CDS2: variants seen among roughly 807,000 people sequenced by gnomAD.
CDS2 encodes the protein CDP-diacylglycerol synthase 2.
Under a neutral mutation model 59.0 loss-of-function variants are expected in CDS2, and 47 were observed. The observed-to-expected ratio is 0.80, with a 90% CI of 0.63 to 1.02. CDS2 has a LOEUF of 1.02. Ranked by LOEUF, CDS2 falls within the 50% of genes least tolerant of loss-of-function variation. The pLI is 0.00. For synonymous variants in CDS2, 207 were observed against 206.4 expected (o/e 1.00, Z -0.02); for missense variants, 356 against 558.9 (o/e 0.64, Z 3.66).
At chr20:5,146,556 G>A (rs1399631835) in intron 1 of CDS2, among the ~76,000 whole-genome samples, 2 of 152,138 alleles carry the variant, frequency 1.3e-5, no homozygotes, top group African/African-American at 2.4e-5. Context: ...TTAGGTAATA[G>A]GACCTAAGTT....
At chr20:5,169,639 CAT>C (rs1427633695) in intron 1 of CDS2, among the ~76,000 whole-genome samples, 3 of 152,268 alleles carry the variant, frequency 2.0e-5, no homozygotes, top group African/African-American at 7.2e-5. Context: ...TGAACATATG[CAT>C]ATGTCTTGAT....
chr20:5,154,936 T>A (rs896249222), intron 1 of CDS2, among the ~76,000 whole-genome samples: 5 of 152,218 alleles, frequency 3.3e-5, no homozygotes, highest in Non-Finnish European at 7.4e-5. Context: ...GCATGAGCCG[T>A]TGCGCTCAGC....
chr20:5,143,092 C>A (rs968962749), intron 1 of CDS2, among the ~76,000 whole-genome samples: 2 of 152,092 alleles, frequency 1.3e-5, no homozygotes, highest in Non-Finnish European at 2.9e-5. Flanking sequence ...ATTCCTCCTG[C>A]CTCAGCCTCC....
chr20:5,141,685 G>A (rs1427032323), intron 1 of CDS2, among the ~76,000 whole-genome samples: 1 of 152,162 alleles, frequency 6.6e-6, no homozygotes, highest in East Asian at 1.9e-4. Context: ...TTGAGCCTCA[G>A]ATCTACAACT....
At chr20:5,176,285 G>A (rs978869841) in intron 3 of CDS2, 7 of 173,728 alleles carry the variant, frequency 4.0e-5, no homozygotes, top group Admixed American at 1.7e-4. Flanking sequence ...GGCTGGGTGC[G>A]GTGGCTCACG....
At position 5,195,796 on chromosome 20, in the gene CDS2, G is replaced by T. The variant is rs1028485220; in HGVS notation, c.*5562G>T. 6.6e-6 allele frequency: 1 copy of T among 152,222 alleles called. No homozygotes were observed. Among genetic ancestry groups the T allele is most frequent in the Non-Finnish European group, 1.5e-5 (1 of 68,062 alleles). 9.4% of individuals were successfully genotyped at this position (152,222 alleles called of 1,614,324 possible). ...GTTTCCTTCTAAAAGTAGTAACCGGGTAGAAGTGGGTGACCCATTGAGGAC... is the reference window on the plus strand; with the variant it reads ...GTTTCCTTCTAAAAGTAGTAACCGGTTAGAAGTGGGTGACCCATTGAGGAC... On this transcript the variant is annotated 3_prime_UTR_variant, in exon 13 of 13. Coordinates refer to ENST00000460006, the MANE Select transcript of CDS2 (RefSeq NM_003818.4).
intron 4 of CDS2, among the ~76,000 whole-genome samples, chr20:5,178,223 T>C (rs2091008154): frequency 6.6e-6 from 1 of 152,250 alleles, no homozygotes; most frequent in African/African-American, 2.4e-5. Flanking sequence ...GAGAGGCAGA[T>C]GCATCATTAA....
chr20:5,179,918 C>T (rs536018315), intron 5 of CDS2, among the ~76,000 whole-genome samples: 1 of 152,330 alleles, frequency 6.6e-6, no homozygotes, highest in South Asian at 2.1e-4. Context: ...GTTCTGACCT[C>T]AATGTCAATC....
intron 1 of CDS2, among the ~76,000 whole-genome samples, chr20:5,127,803 G>A (rs1468626164): frequency 6.6e-6 from 1 of 152,104 alleles, no homozygotes; most frequent in Non-Finnish European, 1.5e-5. Context: ...GGACAGTGGC[G>A]GGGGTGACGG....
In CDS2 at chr20:5,189,255, C is replaced by T. The variant is rs1174202082; in HGVS notation, c.1101+69C>T. 13 of 1,584,944 alleles carry T rather than the reference C, an allele frequency of 8.2e-6. No homozygotes were observed. In the Admixed American group the frequency reaches 1.0e-4, roughly 12 times the overall value. The stretch of plus-strand genomic sequence containing the variant: ...CATCTTCTGCCTTTCTCCCCCTTCC[C>T]TGCCCCCTCCAAAATACTAGGCTGT... On this transcript the variant is annotated intron_variant, in intron 11 of 12. Transcript: ENST00000460006.
chr20:5,182,284 C>A, intron 5 of CDS2, 103 bp from the exon 6 acceptor site: 1 of 939,562 alleles, frequency 1.1e-6, no homozygotes, highest in Non-Finnish European at 1.6e-6. Flanking sequence ...TGGTTAGCTG[C>A]TGGGAATAAA....
chr20:5,174,240 G>A (rs868266963), intron 2 of CDS2, among the ~76,000 whole-genome samples: 1 of 152,184 alleles, frequency 6.6e-6, no homozygotes, highest in African/African-American at 2.4e-5. Flanking sequence ...TTATCTCAGT[G>A]TTCCTATGTG....
chr20:5,163,388 A>T (rs1340904045), intron 1 of CDS2, among the ~76,000 whole-genome samples: 1 of 147,866 alleles, frequency 6.8e-6, no homozygotes, highest in Non-Finnish European at 1.5e-5. Flanking sequence ...CAGCCTCCTG[A>T]GTATCTGGGA....
At chr20:5,152,019 C>T (rs543272592) in intron 1 of CDS2, among the ~76,000 whole-genome samples, 151 of 151,598 alleles carry the variant, frequency 1.0e-3, no homozygotes, top group Non-Finnish European at 1.8e-3. Flanking sequence ...CTGCCTCAGC[C>T]TCCCAAAGTG....
intron 7 of CDS2, among the ~76,000 whole-genome samples, chr20:5,183,602 C>G (rs1378344591): frequency 6.6e-6 from 1 of 152,102 alleles, no homozygotes; most frequent in Non-Finnish European, 1.5e-5. Flanking sequence ...GAAAGAGAAA[C>G]AGGACCAAAT....
rs1568544601 is a variant in CDS2 at position 5,186,842 on chromosome 20, A to T, written c.981+3A>T. On this transcript the variant is annotated splice_donor_region_variant and intron_variant, in intron 10 of 12. Coordinates refer to ENST00000460006, the MANE Select transcript of CDS2 (RefSeq NM_003818.4). ...TGATCCAGTCAGTCATTGGCTGGGTATGTGCCACTCACAGGGGGTGAGCGG... is the reference window on the plus strand; with the variant it reads ...TGATCCAGTCAGTCATTGGCTGGGTTTGTGCCACTCACAGGGGGTGAGCGG... 6.2e-7 allele frequency: 1 copy of T among 1,613,970 alleles called. No individual in the cohort carries two copies. Among genetic ancestry groups the T allele is most frequent in the Non-Finnish European group, 8.5e-7 (1 of 1,179,922 alleles).
In CDS2 at chr20:5,189,701, C is replaced by T. The variant is rs370924589; in HGVS notation, c.1102-34C>T. 11 of 1,537,842 alleles carry T rather than the reference C, an allele frequency of 7.2e-6. No homozygotes were observed. In the African/African-American group the frequency reaches 1.2e-4, roughly 17 times the overall value. The stretch of plus-strand genomic sequence containing the variant: ...GGCTGGGATTGGTTAGTGGCTGAGC[C>T]CAAGTTCACCCATCCTTCCCCTGCC... On this transcript the variant is annotated intron_variant, in intron 11 of 12. Coordinates refer to ENST00000460006, the MANE Select transcript of CDS2 (RefSeq NM_003818.4).
chr20:5,175,534 T>G, intron 3 of CDS2: 1 of 342,756 alleles, frequency 2.9e-6, no homozygotes, highest in South Asian at 2.7e-5. Context: ...TTGCCTGTGA[T>G]CCCAGCACTT....
intron 1 of CDS2, among the ~76,000 whole-genome samples, chr20:5,166,899 AC>A (rs1444702732): frequency 1.3e-5 from 2 of 152,186 alleles, no homozygotes; most frequent in Non-Finnish European, 2.9e-5. Context: ...CCAGAGGTTT[AC>A]CCATGAAGTG....
Sources: allele counts gnomAD v4.1 joint callset (sites outside exome capture counted in the v4.1 genomes callset), GRCh38; gene constraint gnomAD v4.1.1; transcripts MANE v1.5; gene names NCBI Gene and HGNC (gene_info 2026-07-23, HGNC 2026-07-21).